The following UTRN variants were observed in gnomAD, a reference collection of about 807,000 sequenced individuals.
UTRN encodes dystrophin-related protein 1.
Under a neutral mutation model 463.9 loss-of-function variants are expected in UTRN, and 283 were observed. The observed-to-expected ratio is 0.61, with a 90% CI of 0.55 to 0.67. The LOEUF (loss-of-function observed/expected upper bound fraction) is 0.67. UTRN is among the 30% of genes least tolerant of loss of function. The pLI is 0.00. For synonymous variants in UTRN, 1,442 were observed against 1,431.5 expected (o/e 1.01, Z -0.17); for missense variants, 3,922 against 4,084.3 (o/e 0.96, Z 1.08).
At chr6:144,461,786 C>T (rs1326746145) in intron 22 of UTRN, among the ~76,000 whole-genome samples, 1 of 152,096 alleles carries the variant, frequency 6.6e-6, no homozygotes, top group East Asian at 1.9e-4. Context: ...TTTGCTGTTC[C>T]CTTGGTTTTT....
chr6:144,499,507 T>C (rs950362441), intron 34 of UTRN, 80 bp downstream of exon 34: 2 of 1,226,566 alleles, frequency 1.6e-6, no homozygotes, highest in African/African-American at 1.5e-5. Context: ...TTGGATACCA[T>C]GTCCCTCCAT....
At position 144,610,116 on chromosome 6, in the gene UTRN, A is replaced by G. The variant is rs555187278; in HGVS notation, c.7479+32828A>G. 1.3e-3 allele frequency among the ~76,000 whole-genome samples: 195 copies of G among 151,958 alleles called. 1 individual carries two copies. The highest frequency in any genetic ancestry group is 2.0e-3 in the Non-Finnish European group (138 of 67,960). ...TAAATGGAATACAGACTAGAAAAAT[A>G]AAAGAAAAATTTCAACAAAACTAAG... On this transcript the variant is annotated intron_variant, in intron 51 of 74. Coordinates refer to ENST00000367545, the MANE Select transcript of UTRN (RefSeq NM_007124.3).
chr6:144,788,544 C>T (rs894953942), intron 61 of UTRN, among the ~76,000 whole-genome samples: 2 of 150,618 alleles, frequency 1.3e-5, no homozygotes, highest in Non-Finnish European at 1.5e-5. Context: ...CAATTATTAA[C>T]GTATAGGTTT....
intron 65 of UTRN, among the ~76,000 whole-genome samples, chr6:144,808,532 TTTG>T (rs2128749140): frequency 6.6e-6 from 1 of 152,192 alleles, no homozygotes; most frequent in Non-Finnish European, 1.5e-5. Context: ...AGTGTGTGGT[TTTG>T]TTTTTTGAGA....
Position 144,548,688 on chromosome 6 carries a change from T to A in UTRN, c.6644T>A (p.Ile2215Asn). Residue 2215 changes from isoleucine to asparagine, a missense_variant, in exon 47 of 75, where the codon ATT becomes AAT. Ile to Asn is a moderately radical substitution (Grantham distance 149). Transcript: ENST00000367545. The part of the protein sequence containing the change: ...KVVLVSSASD[I>N]PVQSHRTSEI... Reference sequence around the variant, plus strand: ...GTGCTAGTATCATCTGCGTCAGATATTCCTGTTCAGTCTCATCGTACTTCG... The same window carrying A: ...GTGCTAGTATCATCTGCGTCAGATAATCCTGTTCAGTCTCATCGTACTTCG... 6.2e-7 allele frequency: 1 copy of A among 1,614,094 alleles called. No individual in the cohort carries two copies. Among genetic ancestry groups the A allele is most frequent in the South Asian group, 1.1e-5 (1 of 91,078 alleles).
intron 34 of UTRN, among the ~76,000 whole-genome samples, chr6:144,503,138 A>G (rs1382919526): frequency 6.6e-6 from 1 of 152,016 alleles, no homozygotes; most frequent in Non-Finnish European, 1.5e-5. Context: ...TTCCTTGTAG[A>G]TTCAGGATAT....
At position 144,657,657 on chromosome 6, in the gene UTRN, T is replaced by A. The variant is rs749330239; in HGVS notation, c.7480-20749T>A. Among the ~76,000 whole-genome samples the A allele has an allele frequency of 4.6e-5, 7 of 152,350 alleles. No homozygotes were observed. The South Asian group carries it at 1.5e-3, about 32-fold the overall frequency. On this transcript the variant is annotated intron_variant, in intron 51 of 74. Coordinates refer to ENST00000367545, the MANE Select transcript of UTRN (RefSeq NM_007124.3). Reference sequence around the variant, plus strand: ...ATAACATATCATTCTTGTCTTGTTATAAGAGCCCTTTAAACAGAAAGGGTC... The same window carrying A: ...ATAACATATCATTCTTGTCTTGTTAAAAGAGCCCTTTAAACAGAAAGGGTC...
intron 74 of UTRN, among the ~76,000 whole-genome samples, chr6:144,847,466 C>G (rs868609046): frequency 6.6e-6 from 1 of 151,884 alleles, no homozygotes. Flanking sequence ...TTCACAGAAA[C>G]GAAAGAGCAG....
At chr6:144,782,499 A>G (rs1775924815) in intron 61 of UTRN, among the ~76,000 whole-genome samples, 2 of 152,096 alleles carry the variant, frequency 1.3e-5, no homozygotes, top group South Asian at 2.1e-4. Flanking sequence ...TATGAATTAC[A>G]GTAATTTATT....
chr6:144,495,511 G>A (rs976783527), intron 33 of UTRN, among the ~76,000 whole-genome samples: 1 of 152,164 alleles, frequency 6.6e-6, no homozygotes, highest in African/African-American at 2.4e-5. Flanking sequence ...CCCGGTTCCC[G>A]CTCGCGCCTC....
chr6:144,829,891 A>G (rs970249085), intron 69 of UTRN, among the ~76,000 whole-genome samples: 1 of 152,142 alleles, frequency 6.6e-6, no homozygotes, highest in Non-Finnish European at 1.5e-5. Context: ...ACAGTAATGT[A>G]GTAGAGATTT....
chr6:144,821,584 C>G (rs1045413155), intron 66 of UTRN, among the ~76,000 whole-genome samples: 1 of 151,648 alleles, frequency 6.6e-6, no homozygotes, highest in African/African-American at 2.4e-5. Flanking sequence ...AAAATTTATT[C>G]AAAGTGTATA....
At chr6:144,636,357 C>T (rs1375453157) in intron 51 of UTRN, among the ~76,000 whole-genome samples, 1 of 150,844 alleles carries the variant, frequency 6.6e-6, no homozygotes. Context: ...CACATGGACA[C>T]AGGGAGAGGA....
intron 41 of UTRN, 44 bp downstream of exon 41, chr6:144,523,232 C>A (rs896369674): frequency 4.2e-6 from 6 of 1,429,378 alleles, no homozygotes; most frequent in Non-Finnish European, 4.7e-6. Context: ...AAAATGCCTG[C>A]AAGTTCATGG....
chr6:144,837,949 TCTTA>T (rs1374839271), intron 71 of UTRN, among the ~76,000 whole-genome samples: 1 of 152,176 alleles, frequency 6.6e-6, no homozygotes, highest in Non-Finnish European at 1.5e-5. Context: ...AATGTTTGAG[TCTTA>T]CTTAGTGCCA....
intron 74 of UTRN, among the ~76,000 whole-genome samples, chr6:144,848,170 G>A (rs543759930): frequency 2.6e-5 from 4 of 152,242 alleles, no homozygotes; most frequent in South Asian, 2.1e-4. Context: ...TCAGAAGTGC[G>A]AGGAGAGACT....
At chr6:144,362,007 A>G (rs536869374) in intron 2 of UTRN, among the ~76,000 whole-genome samples, 4 of 152,248 alleles carry the variant, frequency 2.6e-5, no homozygotes, top group Admixed American at 6.5e-5. Flanking sequence ...ATCAAAGCCA[A>G]ATTCATCATA....
intron 51 of UTRN, among the ~76,000 whole-genome samples, chr6:144,611,681 A>G (rs570403423): frequency 2.2e-4 from 33 of 152,308 alleles, no homozygotes; most frequent in Non-Finnish European, 4.1e-4. Context: ...ACAACTATAA[A>G]ACGCTGGTGA....
At chr6:144,693,344 C>T (rs954907025) in intron 52 of UTRN, among the ~76,000 whole-genome samples, 6 of 152,074 alleles carry the variant, frequency 3.9e-5, no homozygotes, top group Non-Finnish European at 5.9e-5. Flanking sequence ...CAGCTTTATT[C>T]TTTTTGCTTA....
Sources: gnomAD v4.1 joint callset for allele counts (sites outside exome capture counted in the v4.1 genomes callset) on GRCh38, gnomAD v4.1.1 for gene constraint, MANE v1.5 for transcripts, NCBI Gene and HGNC (gene_info 2026-07-23, HGNC 2026-07-21) for gene names.